CTDSP1: variants seen among roughly 807,000 people sequenced by gnomAD.
CTDSP1 encodes CTD small phosphatase 1.
CTDSP1 carries 15 observed loss-of-function variants against 32.5 expected under a neutral mutation model. The ratio of observed to expected loss-of-function variants is 0.46; its 90% CI spans 0.31 to 0.71. The LOEUF is 0.71. CTDSP1 is among the 30% of genes least tolerant of loss of function. The probability of loss-of-function intolerance (pLI) is 0.05; values close to 1 mark genes in which losing one functional copy is unlikely to be tolerated. For synonymous variants in CTDSP1, 185 were observed against 145.4 expected (o/e 1.27, Z -1.96); for missense variants, 294 against 351.1 (o/e 0.84, Z 1.30).
In CTDSP1 at chr2:218,405,678, CTG is replaced by C. The variant is rs1254129644; in HGVS notation, c.*1255_*1256del. The C allele has an allele frequency of 6.5e-6, 1 of 153,090 alleles. No individual in the cohort carries two copies. Among genetic ancestry groups the C allele is most frequent in the East Asian group, 1.9e-4 (1 of 5,342 alleles). 9.5% of individuals were successfully genotyped at this position (153,090 alleles called of 1,614,324 possible). On this transcript the variant is annotated 3_prime_UTR_variant, in exon 7 of 7. Coordinates refer to ENST00000273062, the MANE Select transcript of CTDSP1 (RefSeq NM_021198.3). ...GCTCCCAGGATATCCTGCCTTCCAA[CTG>C]TTTCTGAAGCCCCTCCTCCTAACAT...
chr2:218,400,271 G>C, intron 1 of CTDSP1, 114 bp downstream of exon 1: 1 of 943,136 alleles, frequency 1.1e-6, no homozygotes, highest in Non-Finnish European at 1.6e-6. Flanking sequence ...CCTTAGCTGT[G>C]CCCGAAGCTC....
chr2:218,397,650 T>C (rs1348795569), upstream of CTDSP1, among the ~76,000 whole-genome samples: 1 of 152,104 alleles, frequency 6.6e-6, no homozygotes, highest in African/African-American at 2.4e-5. Flanking sequence ...GGGGTGCGAA[T>C]GATAAAACAG....
rs1415567133 is a variant in CTDSP1, at chr2:218,404,435, T to C, written c.*10T>C. 6.2e-7 allele frequency: 1 copy of C among 1,613,858 alleles called. No individual in the cohort carries two copies. The highest frequency in any genetic ancestry group is 1.1e-5 in the South Asian group (1 of 91,066). ...ACGGCCAGGGAGCTAGTGAGGGTGA[T>C]GGGGCCAGGACCTGCCCCTGACCAA... On this transcript the variant is annotated 3_prime_UTR_variant, in exon 7 of 7. Transcript: ENST00000273062.
upstream of CTDSP1, chr2:218,399,741 C>CCCGCCTCCCAGT: frequency 9.9e-7 from 1 of 1,015,098 alleles, no homozygotes; most frequent in Non-Finnish European, 1.2e-6. Context: ...CCCGGCCCGG[C>CCCGCCTCCCAGT]CCGCCTCCCA....
intron 4 of CTDSP1, chr2:218,402,713 C>A: frequency 1.3e-6 from 1 of 759,810 alleles, no homozygotes; most frequent in Non-Finnish European, 2.5e-6. Flanking sequence ...TTACTTGGCT[C>A]GGGGACCGGT....
upstream of CTDSP1, among the ~76,000 whole-genome samples, chr2:218,397,335 A>C (rs1696871034): frequency 1.3e-5 from 2 of 152,116 alleles, no homozygotes; most frequent in African/African-American, 2.4e-5. Context: ...CCTGGCCTCA[A>C]ATCGACCCTC....
Position 218,399,900 on chromosome 2 carries a change from G to GTTA in CTDSP1, c.-190_-189insTAT, listed in dbSNP as rs1697019011. 2 of 1,267,862 alleles carry GTTA rather than the reference G, an allele frequency of 1.6e-6. No homozygotes were observed. Among genetic ancestry groups the GTTA allele is most frequent in the South Asian group, 5.1e-5 (2 of 39,152 alleles). 78.5% of individuals were successfully genotyped at this position (1,267,862 alleles called of 1,614,324 possible). ...CCTCGCGGGAAGGAAACTCCATGTT[G>GTTA]TAACAAAGTTTCCTCCGCGCCCCCT... On this transcript the variant is annotated 5_prime_UTR_variant, in exon 1 of 7. It removes the in-frame stop codon of an upstream open reading frame in the 5' UTR. Coordinates refer to ENST00000273062, the MANE Select transcript of CTDSP1 (RefSeq NM_021198.3).
At chr2:218,396,474 C>T (rs1479649699), upstream of CTDSP1, 1 of 152,458 alleles carries the variant, frequency 6.6e-6, no homozygotes, top group African/African-American at 2.4e-5. Flanking sequence ...CCCCGATTTC[C>T]TGGGGACCCA....
chr2:218,397,730 TA>T (rs1312162799), upstream of CTDSP1, among the ~76,000 whole-genome samples: 1 of 152,058 alleles, frequency 6.6e-6, no homozygotes, highest in African/African-American at 2.4e-5. Flanking sequence ...AGACAACCCC[TA>T]CAGTGAGGAC....
At chr2:218,403,780 G>A (rs1215455134) in intron 6 of CTDSP1, 2 of 206,548 alleles carry the variant, frequency 9.7e-6, no homozygotes, top group South Asian at 2.4e-4. Flanking sequence ...AAAATATCCG[G>A]TCGGGTGCAG....
chr2:218,400,010 G>T lies in CTDSP1; in HGVS notation c.-81G>T. 4 of 290,866 alleles carry T rather than the reference G, an allele frequency of 1.4e-5. No individual in the cohort carries two copies. The highest frequency in any genetic ancestry group is 9.6e-6 in the Non-Finnish European group (2 of 207,322). The allele number at this position is 290,866 out of a possible 1,614,324, so 18.0% of individuals were successfully genotyped here. A position where few individuals can be genotyped will look rare whatever the true frequency, so the allele number is the denominator to read the frequency against. On this transcript the variant is annotated 5_prime_UTR_variant, in exon 1 of 7. Coordinates refer to ENST00000273062, the MANE Select transcript of CTDSP1 (RefSeq NM_021198.3). The stretch of plus-strand genomic sequence containing the variant: ...CCCTCCCACCCCTCCCCTCCCCCCC[G>T]CGCCCCGATTCCGGCCCCAGCCGGG...
At chr2:218,403,012 C>T in intron 4 of CTDSP1, 23 bp from the exon 5 acceptor site, 5 of 1,595,766 alleles carry the variant, frequency 3.1e-6, no homozygotes, top group Non-Finnish European at 4.3e-6. Flanking sequence ...GGCCCGCAGC[C>T]CCCTCACTGG....
At chr2:218,403,483 G>T in intron 6 of CTDSP1, 66 bp downstream of exon 6, 1 of 1,430,746 alleles carries the variant, frequency 7.0e-7, no homozygotes, top group Non-Finnish European at 9.4e-7. Flanking sequence ...GTCCATTCAG[G>T]CCACCTTGGC....
chr2:218,397,324 G>C (rs1174697981), upstream of CTDSP1, among the ~76,000 whole-genome samples: 1 of 152,162 alleles, frequency 6.6e-6, no homozygotes, highest in South Asian at 2.1e-4. Flanking sequence ...GGTTCTTCCA[G>C]CCTGGCCTCA....
chr2:218,401,782 C>A (rs554566053), intron 2 of CTDSP1, 70 bp downstream of exon 2: 1 of 1,400,886 alleles, frequency 7.1e-7, no homozygotes, highest in African/African-American at 1.4e-5. Context: ...GGAAGGGGCT[C>A]CTGACTGAGC....
chr2:218,396,536 A>C (rs1227077718), upstream of CTDSP1: 1 of 152,360 alleles, frequency 6.6e-6, no homozygotes, highest in Non-Finnish European at 1.5e-5. Flanking sequence ...TGTTTATGAG[A>C]AGAATTTCCT....
In CTDSP1 at chr2:218,399,880, C is replaced by A. The variant is rs1697016264; in HGVS notation, c.-211C>A. ...GGGTTCCATGTTTGCATCCGCCTCG[C>A]GGGAAGGAAACTCCATGTTGTAACA... On this transcript the variant is annotated 5_prime_UTR_variant, in exon 1 of 7. Coordinates refer to ENST00000273062, the MANE Select transcript of CTDSP1 (RefSeq NM_021198.3). The A allele has an allele frequency of 1.6e-6, 2 of 1,248,728 alleles. No individual in the cohort carries two copies. The highest frequency in any genetic ancestry group is 4.3e-5 in the Admixed American group (1 of 23,482). The allele number at this position is 1,248,728 out of a possible 1,614,324, so 77.4% of individuals were successfully genotyped here. A position where few individuals can be genotyped will look rare whatever the true frequency, so the allele number is the denominator to read the frequency against.
In CTDSP1 at chr2:218,403,354, C is replaced by G. The variant is rs1697254524; in HGVS notation, c.594C>G (p.Asp198Glu). The change falls in exon 6 of 7, where the codon GAC (aspartate) becomes GAG (glutamate). Residue 198 changes from aspartate (D) to glutamate (E), a missense_variant. By Grantham distance (45) the Asp-to-Glu change is conservative. Transcript: ENST00000273062. ...AGGACCTGAGCCGGTTGGGTCGAGACCTGCGGCGGGTGCTCATCCTGGACA... is the reference window on the plus strand; with the variant it reads ...AGGACCTGAGCCGGTTGGGTCGAGAGCTGCGGCGGGTGCTCATCCTGGACA... ...YVKDLSRLGR[D>E]LRRVLILDNS... 1 of 1,613,734 alleles carries G rather than the reference C, an allele frequency of 6.2e-7. No homozygotes were observed. The highest frequency in any genetic ancestry group is 8.5e-7 in the Non-Finnish European group (1 of 1,179,908).
chr2:218,398,295 A>C, upstream of CTDSP1: 1 of 911,938 alleles, frequency 1.1e-6, no homozygotes, highest in South Asian at 1.4e-5. Context: ...CAGTTTCCTC[A>C]TCTGTGAAAT....
Sources: allele counts gnomAD v4.1 joint callset (sites outside exome capture counted in the v4.1 genomes callset), GRCh38; gene constraint gnomAD v4.1.1; transcripts MANE v1.5; gene names NCBI Gene and HGNC (gene_info 2026-07-23, HGNC 2026-07-21).